Variants in ZNF518A observed in about 807,000 individuals in gnomAD.
ZNF518A encodes zinc finger protein 518.
In ZNF518A, 47 loss-of-function variants were observed where a neutral mutation model predicts 102.7. The observed-to-expected ratio is 0.46, with a 90% confidence interval of 0.36 to 0.58. The LOEUF is 0.58. Among genes scored for constraint, ZNF518A ranks in the 20% least tolerant of loss-of-function variants. The pLI is 0.00. For missense variants in ZNF518A, 1,793 were observed against 1,699.8 expected (o/e 1.05, Z -0.96); for synonymous variants, 652 against 594.6 (o/e 1.10, Z -1.40).
rs988433649 is a variant in ZNF518A at position 96,196,807 on chromosome 10, T to A, written n.36-6767T>A. Reference sequence around the variant, plus strand: ...TTTATGCAAGCATTAGAACAAGTACTTTTGTATCCTTTCTCCTCATCTCTA... The same window carrying A: ...TTTATGCAAGCATTAGAACAAGTACATTTGTATCCTTTCTCCTCATCTCTA... On this transcript the variant is annotated intron_variant and non_coding_transcript_variant, in intron 1 of 2. Transcript: ENST00000442635. 284 of 1,197,326 alleles carry A rather than the reference T, an allele frequency of 2.4e-4. 1 individual carries two copies. The highest frequency in any genetic ancestry group is 2.8e-4 in the Non-Finnish European group (231 of 823,096). 74.2% of individuals were successfully genotyped at this position (1,197,326 alleles called of 1,614,324 possible).
chr10:96,131,671 T>G (rs1306124139), intron 1 of ZNF518A, among the ~76,000 whole-genome samples: 1 of 152,208 alleles, frequency 6.6e-6, no homozygotes, highest in Non-Finnish European at 1.5e-5. Context: ...AAACGTTTTA[T>G]ATCTGGTTTT....
chr10:96,203,982 G>C, exon 3 of ZNF518A: 1 of 1,309,502 alleles, frequency 7.6e-7, no homozygotes, highest in Non-Finnish European at 1.1e-6. Context: ...TGCTGTGTTA[G>C]AACCCAGGCC....
At chr10:96,169,169 CT>C (rs1386688062) in intron 1 of ZNF518A, among the ~76,000 whole-genome samples, 6 of 150,288 alleles carry the variant, frequency 4.0e-5, no homozygotes, top group African/African-American at 1.3e-4. Context: ...GCCCAGCTAA[CT>C]TTTAAAAAAA....
intron 1 of ZNF518A, chr10:96,191,657 T>C (rs2133907017): frequency 4.3e-6 from 1 of 233,740 alleles, no homozygotes; most frequent in South Asian, 6.0e-5. Context: ...CTTTGTTTTA[T>C]GCAAGAGCAT....
intron 1 of ZNF518A, chr10:96,201,023 G>T: frequency 6.2e-7 from 1 of 1,614,100 alleles, no homozygotes; most frequent in Non-Finnish European, 8.5e-7. Context: ...CTGGGTAGGG[G>T]CCCATCCACA....
Position 96,200,294 on chromosome 10 carries a change from A to C in ZNF518A, n.36-3280A>C. On this transcript the variant is annotated intron_variant and non_coding_transcript_variant, in intron 1 of 2. Transcript: ENST00000442635. The surrounding 1 kb of genome is among the most constrained non-coding windows in gnomAD (Gnocchi z 4.3). ...CACCAATAATTTTAAGATGAGTTTT[A>C]TTTTTCCTTTGATCAAACACAAGGA... The C allele has an allele frequency of 4.7e-6, 3 of 637,500 alleles. No individual in the cohort carries two copies. The highest frequency in any genetic ancestry group is 8.3e-6 in the Non-Finnish European group (3 of 359,836). 39.5% of individuals were successfully genotyped at this position (637,500 alleles called of 1,614,324 possible).
At chr10:96,184,587 C>G (rs1195965904) in intron 1 of ZNF518A, among the ~76,000 whole-genome samples, 1 of 152,176 alleles carries the variant, frequency 6.6e-6, no homozygotes, top group Non-Finnish European at 1.5e-5. Context: ...ATATGAAATT[C>G]TGGGTTGAAA....
chr10:96,165,693 TC>T (rs1662971384), downstream of ZNF518A, among the ~76,000 whole-genome samples: 1 of 152,184 alleles, frequency 6.6e-6, no homozygotes, highest in African/African-American at 2.4e-5. Flanking sequence ...TACCATTCTT[TC>T]TATCCTCCAG....
At position 96,157,809 on chromosome 10, in the gene ZNF518A, C is replaced by T. The variant is rs782638576; in HGVS notation, c.1487C>T (p.Thr496Ile). 6.2e-7 allele frequency: 1 copy of T among 1,613,884 alleles called. No homozygotes were observed. Among genetic ancestry groups the T allele is most frequent in the Non-Finnish European group, 8.5e-7 (1 of 1,179,796 alleles). ...PQTLDTNGFL[T>I]GVTTELNDTV... ...ACTTTGGACACTAATGGATTTTTAACAGGAGTAACAACTGAGTTAAATGAC... is the reference window on the plus strand; with the variant it reads ...ACTTTGGACACTAATGGATTTTTAATAGGAGTAACAACTGAGTTAAATGAC... Residue 496 changes from threonine to isoleucine, a missense_variant, in exon 6 of 6, where the codon ACA becomes ATA. Thr to Ile is a moderately conservative substitution (Grantham distance 89). This residue lies in a region of ZNF518A where 1,741 missense variants were observed against 1,622.6 expected (regional missense o/e 1.07). Coordinates refer to ENST00000316045, the MANE Select transcript of ZNF518A (RefSeq NM_001330736.2).
chr10:96,157,322 A>T lies in ZNF518A; in HGVS notation c.1000A>T (p.Asn334Tyr), dbSNP rs782388989. 1.2e-6 allele frequency: 2 copies of T among 1,611,698 alleles called. No homozygotes were observed. The highest frequency in any genetic ancestry group is 1.1e-5 in the South Asian group (1 of 90,612). Residue 334 changes from asparagine to tyrosine, a missense_variant, in exon 6 of 6, where the codon AAC becomes TAC. Physicochemically the swap from Asn to Tyr is moderately radical, Grantham distance 143. This residue lies in a region of ZNF518A where 1,741 missense variants were observed against 1,622.6 expected (regional missense o/e 1.07). Coordinates refer to ENST00000316045, the MANE Select transcript of ZNF518A (RefSeq NM_001330736.2). ...RKTFWKRKKI[N>Y]SGSDRSIEKN... ...GACGTTCTGGAAACGTAAGAAAATT[A>T]ACAGTGGAAGTGACAGAAGTATAGA...
At position 96,160,492 on chromosome 10, in the gene ZNF518A, A is replaced by G; in HGVS notation, c.4170A>G (p.Pro1390=). 1.2e-6 allele frequency: 2 copies of G among 1,613,334 alleles called. No individual in the cohort carries two copies. The change falls in exon 6 of 6, where the codon CCA becomes CCG. Residue 1390 remains proline (P), a synonymous_variant. Transcript: ENST00000316045. ...SKRTINALLK[P]VCYNPPKTTY... ...GAACTATAAATGCTTTACTGAAACC[A>G]GTTTGTTATAACCCTCCTAAAACAA...
intron 1 of ZNF518A, among the ~76,000 whole-genome samples, chr10:96,182,226 G>T (rs1554892098): frequency 6.6e-6 from 1 of 152,116 alleles, no homozygotes; most frequent in Non-Finnish European, 1.5e-5. Flanking sequence ...AAGGAGATTT[G>T]GGGCTGATAC....
chr10:96,187,190 A>G (rs2083276440), intron 1 of ZNF518A, among the ~76,000 whole-genome samples: 1 of 152,282 alleles, frequency 6.6e-6, no homozygotes, highest in African/African-American at 2.4e-5. Flanking sequence ...AAATATTTAT[A>G]GATGGGTTCA....
At position 96,132,636 on chromosome 10, in the gene ZNF518A, G is replaced by A. The variant is rs1484863757; in HGVS notation, c.-402G>A. The stretch of plus-strand genomic sequence containing the variant: ...TTCCTGATTGTGACATTGTGCAAGT[G>A]TTAAATTGTGTGCCTTTTGTTCCTG... On this transcript the variant is annotated 5_prime_UTR_variant, in exon 2 of 6. Coordinates refer to ENST00000316045, the MANE Select transcript of ZNF518A (RefSeq NM_001330736.2). 9 of 152,004 alleles carry A rather than the reference G, an allele frequency of 5.9e-5. No homozygotes were observed. The highest frequency in any genetic ancestry group is 2.2e-4 in the African/African-American group (9 of 41,412). The allele number at this position is 152,004 out of a possible 1,614,324, so 9.4% of individuals were successfully genotyped here. A position where few individuals can be genotyped will look rare whatever the true frequency, so the allele number is the denominator to read the frequency against.
rs2082856995 is a variant in ZNF518A, at chr10:96,159,044, A to G, written c.2722A>G (p.Thr908Ala). Reference sequence around the variant, plus strand: ...GCTTGTAAAAGACAAACTACGAGCCACCACACAAAATTTAGGTTCTTTTTA... The same window carrying G: ...GCTTGTAAAAGACAAACTACGAGCCGCCACACAAAATTTAGGTTCTTTTTA... ...QQLVKDKLRA[T>A]TQNLGSFYMQ... Residue 908 changes from threonine (T) to alanine (A), a missense_variant, in exon 6 of 6, where the codon ACC (threonine) becomes GCC (alanine). Transcript: ENST00000316045. 6.2e-7 allele frequency: 1 copy of G among 1,613,644 alleles called. No homozygotes were observed. The highest frequency in any genetic ancestry group is 8.5e-7 in the Non-Finnish European group (1 of 1,179,728).
rs781865728 is a variant in ZNF518A, at chr10:96,156,289, GA to G, written c.-27del. 3 of 1,527,786 alleles carry G rather than the reference GA, an allele frequency of 2.0e-6. No individual in the cohort carries two copies. The highest frequency in any genetic ancestry group is 2.8e-5 in the African/African-American group (2 of 71,700). 94.6% of individuals were successfully genotyped at this position (1,527,786 alleles called of 1,614,324 possible). A position where few individuals can be genotyped will look rare whatever the true frequency, so the allele number is the denominator to read the frequency against. On this transcript the variant is annotated 5_prime_UTR_variant, in exon 6 of 6. Coordinates refer to ENST00000316045, the MANE Select transcript of ZNF518A (RefSeq NM_001330736.2). Reference sequence around the variant, plus strand: ...TTACAGATAACTTCAAGAGTTTTCAGAAAAAAAGAAATTGGGACTTTTTTGG... The same window carrying G: ...TTACAGATAACTTCAAGAGTTTTCAGAAAAAAGAAATTGGGACTTTTTTGG...
rs1554895917 is a variant in ZNF518A, at chr10:96,200,882, T to G, written n.36-2692T>G. On this transcript the variant is annotated intron_variant and non_coding_transcript_variant, in intron 1 of 2. Transcript: ENST00000442635. The surrounding 1 kb of genome is among the most constrained non-coding windows in gnomAD (Gnocchi z 4.3). ...ACATAATGATGTAAAATACAGTCTC[T>G]GTTCTCAAGGTTCACTCCAAATGTC... 3 of 1,066,048 alleles carry G rather than the reference T, an allele frequency of 2.8e-6. No homozygotes were observed. Among genetic ancestry groups the G allele is most frequent in the Non-Finnish European group, 1.5e-6 (1 of 681,612 alleles). The allele number at this position is 1,066,048 out of a possible 1,614,324, so 66.0% of individuals were successfully genotyped here.
chr10:96,166,664 GTC>G (rs1385537271), downstream of ZNF518A, among the ~76,000 whole-genome samples: 2 of 152,186 alleles, frequency 1.3e-5, no homozygotes, highest in Non-Finnish European at 2.9e-5. Context: ...CTACTCGAGA[GTC>G]TGAGGCAAGA....
At chr10:96,134,684 T>C (rs1382572543) in intron 3 of ZNF518A, among the ~76,000 whole-genome samples, 1 of 152,236 alleles carries the variant, frequency 6.6e-6, no homozygotes, top group Non-Finnish European at 1.5e-5. Context: ...CGATTTGTAT[T>C]AATTTATCTT....
Sources: gnomAD v4.1 joint callset for allele counts (sites outside exome capture counted in the v4.1 genomes callset) on GRCh38, gnomAD v4.1.1 for gene constraint, gnomAD v4.1.1 regional missense constraint, Gnocchi (gnomAD v3.1) non-coding constraint, MANE v1.5 for transcripts, NCBI Gene and HGNC (gene_info 2026-07-23, HGNC 2026-07-21) for gene names.